Variants in UGT1A7 observed in about 807,000 individuals in gnomAD.
The protein encoded by UGT1A7 is UDP glucuronosyltransferase family 1 member A7, also known as UDP-glucuronosyltransferase 1A7.
A neutral mutation model predicts 45.6 loss-of-function variants in UGT1A7; 33 were observed. The observed-to-expected ratio is 0.72, with a 90% CI of 0.55 to 0.97. The LOEUF is 0.97. UGT1A7 is among the 50% of genes least tolerant of loss of function. UGT1A7 has a pLI of 0.00. For missense variants in UGT1A7, 684 were observed against 666.2 expected, an observed-to-expected ratio of 1.03 and a Z score of -0.29; for synonymous variants, 274 against 250.6, an observed-to-expected ratio of 1.09 and a Z score of -0.88.
At chr2:233,735,055 G>A (rs1012259706) in intron 1 of UGT1A7, among the ~76,000 whole-genome samples, 1 of 152,132 alleles carries the variant, frequency 6.6e-6, no homozygotes, top group Non-Finnish European at 1.5e-5. Context: ...CTGAGTTCAG[G>A]TCCTGGATAT....
intron 3 of UGT1A7, 63 bp downstream of exon 3, chr2:233,767,999 A>G: frequency 6.2e-7 from 1 of 1,614,190 alleles, no homozygotes; most frequent in Non-Finnish European, 8.5e-7. Context: ...TGGCTTAAGC[A>G]CAGCTATTCT....
At chr2:233,701,084 G>A (rs2075609519) in intron 1 of UGT1A7, among the ~76,000 whole-genome samples, 1 of 152,164 alleles carries the variant, frequency 6.6e-6, no homozygotes, top group African/African-American at 2.4e-5. Flanking sequence ...ATTCCATGGT[G>A]TATATGTGCC....
At chr2:233,723,943 C>T (rs2125696372) in intron 1 of UGT1A7, among the ~76,000 whole-genome samples, 1 of 54,774 alleles carries the variant, frequency 1.8e-5, no homozygotes, top group African/African-American at 1.4e-4. Flanking sequence ...TCTACACAGA[C>T]ACGGCAACCA....
intron 1 of UGT1A7, among the ~76,000 whole-genome samples, chr2:233,728,327 C>T (rs1274244958): frequency 6.6e-6 from 1 of 152,196 alleles, no homozygotes; most frequent in Admixed American, 6.5e-5. Flanking sequence ...CAGGCTCCAG[C>T]TCCCCCAGTC....
At chr2:233,692,770 A>C (rs1187412546) in intron 1 of UGT1A7, 1 of 1,276,528 alleles carries the variant, frequency 7.8e-7, no homozygotes, top group Non-Finnish European at 1.0e-6. Flanking sequence ...GAAGAGAAAC[A>C]CCCAGAAGCT....
At chr2:233,760,974 G>C in intron 1 of UGT1A7, 1 of 1,614,120 alleles carries the variant, frequency 6.2e-7, no homozygotes, top group Non-Finnish European at 8.5e-7. Flanking sequence ...TTTATTCCCC[G>C]TATGCAACCC....
intron 1 of UGT1A7, among the ~76,000 whole-genome samples, chr2:233,695,422 C>CCTT (rs34487948): frequency 1.3e-3 from 197 of 151,064 alleles, no homozygotes; most frequent in African/African-American, 4.5e-3. Flanking sequence ...CCGCGCCCGG[C>CCTT]CTTCTTCTTC....
At chr2:233,686,122 T>A (rs558315313) in intron 1 of UGT1A7, among the ~76,000 whole-genome samples, 1 of 152,234 alleles carries the variant, frequency 6.6e-6, no homozygotes, top group East Asian at 1.9e-4. Flanking sequence ...ACCCTTACCT[T>A]GTATCATATA....
At chr2:233,748,000 T>C in intron 1 of UGT1A7, 1 of 1,613,538 alleles carries the variant, frequency 6.2e-7, no homozygotes, top group East Asian at 2.2e-5. Context: ...GACTTTGTGA[T>C]GGATTACCCC....
chr2:233,725,049 T>G (rs1559369971), intron 1 of UGT1A7, among the ~76,000 whole-genome samples: 1 of 147,424 alleles, frequency 6.8e-6, no homozygotes, highest in African/African-American at 2.5e-5. Context: ...CAGTCAGGCG[T>G]GGCGGCGCGC....
At chr2:233,693,061 A>T (rs1042707) in intron 1 of UGT1A7, 1 of 1,614,096 alleles carries the variant, frequency 6.2e-7, no homozygotes, top group Non-Finnish European at 8.5e-7. Context: ...TCTTCTTAGC[A>T]CTTTGGGGCA....
intron 1 of UGT1A7, among the ~76,000 whole-genome samples, chr2:233,712,452 G>C (rs1320297061): frequency 1.3e-5 from 2 of 152,216 alleles, no homozygotes; most frequent in African/African-American, 2.4e-5. Flanking sequence ...ACCAAAACCA[G>C]ATAGCCAGCC....
rs1444148236 is a variant in UGT1A7, at chr2:233,693,985, A to G, written c.855+11193A>G. The G allele has an allele frequency of 3.9e-6, 6 of 1,547,132 alleles. No homozygotes were observed. In the East Asian group the frequency reaches 9.0e-5, roughly 23 times the overall value. Reference sequence around the variant, plus strand: ...ATTTCCTGGAGAAACGGTGGGGGGAAGTGATACCCGGCTCGGAGCAGCGGG... The same window carrying G: ...ATTTCCTGGAGAAACGGTGGGGGGAGGTGATACCCGGCTCGGAGCAGCGGG... On this transcript the variant is annotated intron_variant, in intron 1 of 4. Transcript: ENST00000373426.
intron 1 of UGT1A7, among the ~76,000 whole-genome samples, chr2:233,705,131 C>T (rs1289244269): frequency 5.8e-5 from 6 of 104,174 alleles, no homozygotes; most frequent in South Asian, 6.9e-4. Flanking sequence ...AGCGAGACTT[C>T]GTCTGAAAAA....
At chr2:233,716,361 T>C (rs527757463) in intron 1 of UGT1A7, among the ~76,000 whole-genome samples, 4 of 152,352 alleles carry the variant, frequency 2.6e-5, no homozygotes, top group Admixed American at 2.0e-4. Flanking sequence ...AGATACTTTG[T>C]GGGGCTGTGA....
At chr2:233,750,052 T>C (rs1170416516) in intron 1 of UGT1A7, among the ~76,000 whole-genome samples, 1 of 151,744 alleles carries the variant, frequency 6.6e-6, no homozygotes, top group Non-Finnish European at 1.5e-5. Context: ...AATGTGGAAG[T>C]GACTTTGGAA....
chr2:233,729,786 G>C, intron 1 of UGT1A7: 4 of 1,613,972 alleles, frequency 2.5e-6, no homozygotes, highest in Non-Finnish European at 3.4e-6. Context: ...CTCTGGCCCT[G>C]TCCTACATTT....
chr2:233,766,292 T>C (rs1426642271), intron 1 of UGT1A7, among the ~76,000 whole-genome samples: 2 of 147,940 alleles, frequency 1.4e-5, no homozygotes, highest in African/African-American at 5.0e-5. Context: ...CTCGGTGGCC[T>C]GGGCTCTCCT....
chr2:233,756,308 C>T (rs147116295), intron 1 of UGT1A7: 65 of 152,294 alleles, frequency 4.3e-4, no homozygotes, highest in African/African-American at 1.5e-3. Context: ...TATAACCTAC[C>T]CATATCCTCC....
Sources: allele counts gnomAD v4.1 joint callset (sites outside exome capture counted in the v4.1 genomes callset), GRCh38; gene constraint gnomAD v4.1.1; transcripts MANE v1.5; gene names NCBI Gene and HGNC (gene_info 2026-07-23, HGNC 2026-07-21).